Variants in CADPS observed in about 807,000 individuals in gnomAD.
CADPS encodes calcium-dependent secretion activator 1.
A neutral mutation model predicts 167.3 loss-of-function variants in CADPS; 57 were observed. That is an observed-to-expected ratio of 0.34 (90% confidence interval 0.28 to 0.42). CADPS has a LOEUF of 0.42. Among genes scored for constraint, CADPS ranks in the 20% least tolerant of loss-of-function variants. The pLI is 1.00. For synonymous variants in CADPS, 676 were observed against 635.3 expected (o/e 1.06, Z -0.96); for missense variants, 1,414 against 1,738.1 (o/e 0.81, Z 3.32).
chr3:62,568,453 T>C (rs920165687), intron 9 of CADPS, among the ~76,000 whole-genome samples: 2 of 152,246 alleles, frequency 1.3e-5, no homozygotes, highest in Non-Finnish European at 2.9e-5. Context: ...CTTTCTTCCC[T>C]GCTACATGGT....
chr3:62,846,754 C>A (rs1559900215), intron 1 of CADPS, among the ~76,000 whole-genome samples: 1 of 152,162 alleles, frequency 6.6e-6, no homozygotes, highest in African/African-American at 2.4e-5. Context: ...ACTTCCACCT[C>A]CAGAGTTCGA....
chr3:62,445,360 T>G (rs2057024843), intron 27 of CADPS, among the ~76,000 whole-genome samples: 1 of 152,192 alleles, frequency 6.6e-6, no homozygotes. Context: ...AAACCACAAT[T>G]AAGTTTTTCA....
chr3:62,610,263 TCTTC>T (rs144762487), intron 6 of CADPS, among the ~76,000 whole-genome samples: 1,733 of 152,072 alleles, frequency 0.011, 31 homozygotes, highest in African/African-American at 0.04. Flanking sequence ...TTTCTTTCTT[TCTTC>T]CTTTTTGGAG....
chr3:62,495,055 T>C (rs976858947), intron 18 of CADPS, among the ~76,000 whole-genome samples: 2 of 152,180 alleles, frequency 1.3e-5, no homozygotes, highest in East Asian at 1.9e-4. Context: ...CTCATTGTAA[T>C]TTAATATATT....
intron 11 of CADPS, among the ~76,000 whole-genome samples, chr3:62,548,649 T>G (rs1472036795): frequency 6.6e-6 from 1 of 152,238 alleles, no homozygotes; most frequent in East Asian, 1.9e-4. Context: ...AGCTGCAAAA[T>G]TATTCCACCC....
intron 28 of CADPS, among the ~76,000 whole-genome samples, chr3:62,405,167 T>C (rs1467591320): frequency 2.2e-4 from 33 of 149,806 alleles, no homozygotes. Flanking sequence ...AGATCTATTT[T>C]GAGAACTATG....
intron 3 of CADPS, among the ~76,000 whole-genome samples, chr3:62,708,251 G>GAA (rs113632075): frequency 0.62 from 93,048 of 150,062 alleles, 29,276 homozygotes; most frequent in East Asian, 0.86. Flanking sequence ...AAAGTGGAGA[G>GAA]AAAAAAAAGC....
chr3:62,525,054 A>T (rs1272249422), intron 13 of CADPS, among the ~76,000 whole-genome samples: 1 of 152,226 alleles, frequency 6.6e-6, no homozygotes. Context: ...AACATCTGAA[A>T]ATATGTTTTT....
intron 1 of CADPS, among the ~76,000 whole-genome samples, chr3:62,866,302 C>T (rs566713947): frequency 2.6e-5 from 4 of 152,142 alleles, no homozygotes; most frequent in South Asian, 4.2e-4. Flanking sequence ...ATAGAGACAA[C>T]GTCTCTGTAA....
Position 62,601,328 on chromosome 3 carries a change from T to C in CADPS, c.1326-8580A>G, listed in dbSNP as rs889506673. Among the ~76,000 whole-genome samples, 3 of 152,198 alleles carry C rather than the reference T, an allele frequency of 2.0e-5. No individual in the cohort carries two copies. Among genetic ancestry groups the C allele is most frequent in the African/African-American group, 2.4e-5 (1 of 41,458 alleles). On this transcript the variant is annotated intron_variant, in intron 6 of 29. Coordinates refer to ENST00000383710, the MANE Select transcript of CADPS (RefSeq NM_003716.4). This position sits in a 1 kb window ranked among gnomAD's most constrained non-coding sequence, Gnocchi z 4.3. Reference sequence around the variant, plus strand: ...CTTCTTTTGTGCAGCAATGGCAGAATTGAGTAGTTATGACAGAGAATATAG... The same window carrying C: ...CTTCTTTTGTGCAGCAATGGCAGAACTGAGTAGTTATGACAGAGAATATAG...
intron 29 of CADPS, among the ~76,000 whole-genome samples, chr3:62,401,354 G>A (rs1575542881): frequency 6.6e-6 from 1 of 152,170 alleles, no homozygotes; most frequent in East Asian, 1.9e-4. Context: ...CCATAGCAAC[G>A]TGTATACCAA....
At chr3:62,675,950 GTAAAA>G (rs2076274534) in intron 3 of CADPS, among the ~76,000 whole-genome samples, 1 of 151,772 alleles carries the variant, frequency 6.6e-6, no homozygotes, top group South Asian at 2.1e-4. Flanking sequence ...CCCAATTACT[GTAAAA>G]TCCTCCCCAA....
At chr3:62,563,079 A>T (rs985373538) in intron 9 of CADPS, among the ~76,000 whole-genome samples, 4 of 152,214 alleles carry the variant, frequency 2.6e-5, no homozygotes, top group Non-Finnish European at 5.9e-5. Flanking sequence ...TAGTCATGAC[A>T]GAAGACCCTC....
At position 62,579,275 on chromosome 3, in the gene CADPS, C is replaced by T. The variant is rs1001517265; in HGVS notation, c.1577+5910G>A. On this transcript the variant is annotated intron_variant, in intron 8 of 29. Transcript: ENST00000383710. ...CTCTGACTTGGGCAAGTCTTTTAAC[C>T]ACTTTAAGCTCCAATTTCTCTAAGT... Among the ~76,000 whole-genome samples, 5 of 152,248 alleles carry T rather than the reference C, an allele frequency of 3.3e-5. No individual in the cohort carries two copies. In the East Asian group the frequency reaches 9.7e-4, roughly 29 times the overall value.
In CADPS at chr3:62,433,734, G is replaced by A. The variant is rs557997195; in HGVS notation, c.3777+4370C>T. On this transcript the variant is annotated intron_variant, in intron 28 of 29. Transcript: ENST00000383710. The surrounding 1 kb of genome is among the most constrained non-coding windows in gnomAD (Gnocchi z 4.7). ...CCCTAAGCACATCTCTTTTAATCCCGATTTTCTTCTCAGTCTGTGTCTTCA... is the reference window on the plus strand; with the variant it reads ...CCCTAAGCACATCTCTTTTAATCCCAATTTTCTTCTCAGTCTGTGTCTTCA... Among the ~76,000 whole-genome samples the A allele has an allele frequency of 6.6e-6, 1 of 152,258 alleles. No homozygotes were observed. The highest frequency in any genetic ancestry group is 2.1e-4 in the South Asian group (1 of 4,820).
intron 3 of CADPS, among the ~76,000 whole-genome samples, chr3:62,703,188 A>C (rs898366479): frequency 6.6e-6 from 1 of 152,198 alleles, no homozygotes; most frequent in Non-Finnish European, 1.5e-5. Flanking sequence ...CTCTTTAAAT[A>C]AATTCATGTG....
At chr3:62,512,679 G>T in intron 17 of CADPS, 72 bp downstream of exon 17, 1 of 1,285,496 alleles carries the variant, frequency 7.8e-7, no homozygotes. Flanking sequence ...AGGAGCCATT[G>T]AAAAACAAAA....
chr3:62,714,904 G>T (rs775443029), intron 3 of CADPS, among the ~76,000 whole-genome samples: 6 of 152,070 alleles, frequency 3.9e-5, no homozygotes, highest in Non-Finnish European at 7.4e-5. Context: ...CTCATTCAGA[G>T]AACAATTTAA....
rs1048303129 is a variant in CADPS, at chr3:62,465,572, T to C, written c.3553-122A>G. 13 of 599,680 alleles carry C rather than the reference T, an allele frequency of 2.2e-5. No homozygotes were observed. The highest frequency in any genetic ancestry group is 3.2e-5 in the Non-Finnish European group (11 of 343,660). The allele number at this position is 599,680 out of a possible 1,614,324, so 37.1% of individuals were successfully genotyped here. A position where few individuals can be genotyped will look rare whatever the true frequency, so the allele number is the denominator to read the frequency against. ...GCCCTCCGTTCATTTCTGCAGTCTA[T>C]TATTTGATTCCCGCCTTCGGAGAAA... is the stretch of plus-strand genomic sequence containing the variant. On this transcript the variant is annotated intron_variant, in intron 25 of 29. Coordinates refer to ENST00000383710, the MANE Select transcript of CADPS (RefSeq NM_003716.4). This position sits in a 1 kb window ranked among gnomAD's most constrained non-coding sequence, Gnocchi z 4.1.
Sources: gnomAD v4.1 joint callset for allele counts (sites outside exome capture counted in the v4.1 genomes callset) on GRCh38, gnomAD v4.1.1 for gene constraint, Gnocchi (gnomAD v3.1) non-coding constraint, MANE v1.5 for transcripts, NCBI Gene and HGNC (gene_info 2026-07-23, HGNC 2026-07-21) for gene names.